The following SEMA6D variants were observed in gnomAD, a reference collection of about 807,000 sequenced individuals.
SEMA6D encodes the protein semaphorin-6D.
Under a neutral mutation model 106.6 loss-of-function variants are expected in SEMA6D, and 35 were observed. The ratio of observed to expected loss-of-function variants is 0.33; its 90% confidence interval spans 0.25 to 0.44. The LOEUF (loss-of-function observed/expected upper bound fraction) is 0.44, where lower values mean the gene tolerates loss of function less well. Among genes scored for constraint, SEMA6D ranks in the 20% least tolerant of loss-of-function variants. The probability of loss-of-function intolerance (pLI) is 1.00; values close to 1 mark genes in which losing one functional copy is unlikely to be tolerated. For synonymous variants in SEMA6D, 499 were observed against 487.7 expected, an observed-to-expected ratio of 1.02 and a Z score of -0.31; for missense variants, 1,185 against 1,345.9, an observed-to-expected ratio of 0.88 and a Z score of 1.87.
At chr15:47,293,119 T>A (rs1322770922) in intron 1 of SEMA6D, among the ~76,000 whole-genome samples, 2 of 151,992 alleles carry the variant, frequency 1.3e-5, no homozygotes, top group Non-Finnish European at 1.5e-5. Flanking sequence ...TTTCCAGAGG[T>A]TCAAAGCCGA....
chr15:47,767,015 C>T, intron 16 of SEMA6D, 22 bp from the exon 17 acceptor site: 1 of 1,453,142 alleles, frequency 6.9e-7, no homozygotes, highest in Non-Finnish European at 9.3e-7. Flanking sequence ...TCACTGATTA[C>T]TTGTTCCTTT....
chr15:47,285,244 C>T (rs1343379093), intron 1 of SEMA6D, among the ~76,000 whole-genome samples: 3 of 152,104 alleles, frequency 2.0e-5, no homozygotes, highest in Admixed American at 2.0e-4. Context: ...CTCTGTCTCT[C>T]TCTCTCTCTG....
intron 3 of SEMA6D, among the ~76,000 whole-genome samples, chr15:47,552,486 CTGTG>C (rs1210627762): frequency 7.2e-6 from 1 of 138,812 alleles, no homozygotes; most frequent in African/African-American, 2.6e-5. Flanking sequence ...GTGTGTGTGT[CTGTG>C]TGTGTATATA....
In SEMA6D at chr15:47,401,964, G is replaced by A. The variant is rs2040415645; in HGVS notation, c.-238-10429G>A. 3.3e-5 allele frequency among the ~76,000 whole-genome samples: 5 copies of A among 152,112 alleles called. No homozygotes were observed. The South Asian group carries it at 1.0e-3, about 31-fold the overall frequency. On this transcript the variant is annotated intron_variant, in intron 1 of 19. Coordinates refer to the SEMA6D transcript ENST00000558014. ...CTTACTTTTGATTGTTGCCTCCCAA[G>A]CCAGAATTGGTTTTTTAAAAGTAAA...
At chr15:47,736,631 C>T (rs912696464) in intron 1 of SEMA6D, among the ~76,000 whole-genome samples, 1 of 152,166 alleles carries the variant, frequency 6.6e-6, no homozygotes, top group Non-Finnish European at 1.5e-5. Flanking sequence ...AATGTCCTTA[C>T]TTCCTGCTGT....
At chr15:47,490,861 C>A (rs74011481) in intron 3 of SEMA6D, among the ~76,000 whole-genome samples, 9,663 of 152,130 alleles carry the variant, frequency 0.064, 952 homozygotes, top group African/African-American at 0.21. Flanking sequence ...AAAATATGCT[C>A]CATCTAATTA....
chr15:47,759,804 G>C lies in SEMA6D; in HGVS notation c.6G>C (p.Arg2Ser). The change falls in exon 2 of 19, where the codon AGG becomes AGC. Residue 2 changes from arginine (R) to serine (S), a missense_variant. By Grantham distance (110) the Arg-to-Ser change is moderately radical (BLOSUM62 -1). Coordinates refer to ENST00000536845, the MANE Select transcript of SEMA6D (RefSeq NM_001358351.3). ...TGACTTCACCTTGGCCCACCATGAG[G>C]GTCTTCCTGCTTTGTGCCTACATAC... M[R>S]VFLLCAYILL... 2 of 1,613,564 alleles carry C rather than the reference G, an allele frequency of 1.2e-6. No individual in the cohort carries two copies. Among genetic ancestry groups the C allele is most frequent in the Non-Finnish European group, 1.7e-6 (2 of 1,179,574 alleles).
Position 47,672,614 on chromosome 15 carries a change from A to T in SEMA6D, c.-55+71718A>T, listed in dbSNP as rs187692219. ...ACCAGGTTGTATTAAAATTTTTATCAGCAATCTTGAGTATGTGTATTGATG... is the reference window on the plus strand; with the variant it reads ...ACCAGGTTGTATTAAAATTTTTATCTGCAATCTTGAGTATGTGTATTGATG... On this transcript the variant is annotated intron_variant, in intron 4 of 19. Coordinates refer to the SEMA6D transcript ENST00000558014. 3.9e-4 allele frequency among the ~76,000 whole-genome samples: 60 copies of T among 152,294 alleles called. No individual in the cohort carries two copies. The East Asian group carries it at 0.011, about 28-fold the overall frequency.
chr15:47,753,104 T>C (rs1305213195), intron 1 of SEMA6D, among the ~76,000 whole-genome samples: 1 of 151,960 alleles, frequency 6.6e-6, no homozygotes, highest in Non-Finnish European at 1.5e-5. Flanking sequence ...TCATATTCTA[T>C]GTGAAGTAGC....
At chr15:47,754,911 C>T (rs2081627696) in intron 1 of SEMA6D, among the ~76,000 whole-genome samples, 1 of 150,624 alleles carries the variant, frequency 6.6e-6, no homozygotes, top group Admixed American at 6.6e-5. Flanking sequence ...CTAAACACAT[C>T]TATTAAGAAG....
At chr15:47,569,832 G>A (rs567216186) in intron 3 of SEMA6D, among the ~76,000 whole-genome samples, 8 of 152,174 alleles carry the variant, frequency 5.3e-5, no homozygotes, top group South Asian at 2.1e-4. Context: ...AGAACAAGGC[G>A]GGTGGATCAC....
At chr15:47,745,906 A>G (rs1210687484) in intron 1 of SEMA6D, among the ~76,000 whole-genome samples, 2 of 152,216 alleles carry the variant, frequency 1.3e-5, no homozygotes, top group Non-Finnish European at 2.9e-5. Context: ...AGTTGTAATA[A>G]TAGTACAGAG....
chr15:47,357,340 A>G (rs1054785128), intron 1 of SEMA6D, among the ~76,000 whole-genome samples: 3 of 152,134 alleles, frequency 2.0e-5, no homozygotes, highest in Admixed American at 2.0e-4. Flanking sequence ...TCAAAAAATA[A>G]ATAAATAAAA....
At chr15:47,210,534 G>C (rs1024292609) in intron 1 of SEMA6D, among the ~76,000 whole-genome samples, 2 of 151,866 alleles carry the variant, frequency 1.3e-5, no homozygotes, top group African/African-American at 4.8e-5. Context: ...CAGCACTTTG[G>C]GAGGCTGAGG....
chr15:47,620,103 G>C (rs2077072456), intron 4 of SEMA6D, among the ~76,000 whole-genome samples: 1 of 152,164 alleles, frequency 6.6e-6, no homozygotes, highest in South Asian at 2.1e-4. Flanking sequence ...GTTCTAGCAG[G>C]TCATAGCACA....
intron 1 of SEMA6D, among the ~76,000 whole-genome samples, chr15:47,744,226 A>T (rs546278514): frequency 2.0e-5 from 3 of 152,180 alleles, no homozygotes; most frequent in Non-Finnish European, 4.4e-5. Flanking sequence ...GTAGATAGAC[A>T]TATTTGCTTT....
At chr15:47,620,709 T>C (rs112751280) in intron 4 of SEMA6D, among the ~76,000 whole-genome samples, 2,340 of 132,132 alleles carry the variant, frequency 0.018, 65 homozygotes, top group African/African-American at 0.057. Context: ...TATATATATA[T>C]ACACACATAT....
At chr15:47,737,265 A>G (rs1019344680) in intron 1 of SEMA6D, among the ~76,000 whole-genome samples, 3 of 152,302 alleles carry the variant, frequency 2.0e-5, no homozygotes, top group East Asian at 3.9e-4. Context: ...TTCAAAAATC[A>G]TATCCCATAG....
intron 1 of SEMA6D, among the ~76,000 whole-genome samples, chr15:47,251,334 T>C (rs2033502902): frequency 6.6e-6 from 1 of 152,206 alleles, no homozygotes; most frequent in Non-Finnish European, 1.5e-5. Context: ...GCCATGTAAG[T>C]TCTACTCATG....
Sources: allele counts gnomAD v4.1 joint callset (sites outside exome capture counted in the v4.1 genomes callset), GRCh38; gene constraint gnomAD v4.1.1; transcripts MANE v1.5; gene names NCBI Gene and HGNC (gene_info 2026-07-23, HGNC 2026-07-21).